EHBP1: variants seen among roughly 807,000 people sequenced by gnomAD.
The protein encoded by EHBP1 is EH domain-binding protein 1.
A neutral mutation model predicts 144.0 loss-of-function variants in EHBP1; 55 were observed. The ratio of observed to expected loss-of-function variants is 0.38; its 90% CI spans 0.31 to 0.48. The LOEUF (loss-of-function observed/expected upper bound fraction) is 0.48. Ranked by LOEUF, EHBP1 falls within the 20% of genes least tolerant of loss-of-function variation. The pLI is 0.98. For synonymous variants in EHBP1, 469 were observed against 472.7 expected, an observed-to-expected ratio of 0.99 and a Z score of 0.10; for missense variants, 1,200 against 1,364.2, an observed-to-expected ratio of 0.88 and a Z score of 1.90.
intron 6 of EHBP1, among the ~76,000 whole-genome samples, chr2:62,829,200 T>C (rs987279675): frequency 6.6e-6 from 1 of 152,132 alleles, no homozygotes; most frequent in African/African-American, 2.4e-5. Flanking sequence ...TCCTAACCAG[T>C]TAAATTTTTT....
intron 19 of EHBP1, among the ~76,000 whole-genome samples, chr2:63,027,707 G>A (rs2061041691): frequency 6.6e-6 from 1 of 151,980 alleles, no homozygotes; most frequent in African/African-American, 2.4e-5. Flanking sequence ...AAATAGGGCT[G>A]GCACAGAAAG....
chr2:63,026,486 T>C (rs1478181156), intron 19 of EHBP1, among the ~76,000 whole-genome samples: 1 of 152,210 alleles, frequency 6.6e-6, no homozygotes, highest in Non-Finnish European at 1.5e-5. Context: ...CAGAACTCTA[T>C]GAAATAGTAC....
chr2:62,875,719 A>G (rs765268493), intron 10 of EHBP1, among the ~76,000 whole-genome samples: 1 of 152,232 alleles, frequency 6.6e-6, no homozygotes, highest in Non-Finnish European at 1.5e-5. Flanking sequence ...GAAAGTTGAA[A>G]TGTAATCCAA....
intron 7 of EHBP1, among the ~76,000 whole-genome samples, chr2:62,852,484 A>C (rs569961943): frequency 6.6e-6 from 1 of 152,104 alleles, no homozygotes; most frequent in South Asian, 2.1e-4. Context: ...GGGGCAAATA[A>C]ATAATACTAA....
At chr2:62,694,610 G>A (rs184141531) in intron 1 of EHBP1, among the ~76,000 whole-genome samples, 1 of 152,096 alleles carries the variant, frequency 6.6e-6, no homozygotes, top group East Asian at 1.9e-4. Flanking sequence ...CTTGTATTAA[G>A]GGTAGACATT....
chr2:62,859,493 C>A (rs951300808), intron 8 of EHBP1, among the ~76,000 whole-genome samples: 1 of 152,132 alleles, frequency 6.6e-6, no homozygotes, highest in Admixed American at 6.5e-5. Flanking sequence ...AAAAAGAAAG[C>A]CTTACGTAAA....
chr2:62,729,539 T>A (rs1328260624), intron 2 of EHBP1, among the ~76,000 whole-genome samples: 1 of 118,742 alleles, frequency 8.4e-6, no homozygotes, highest in African/African-American at 3.3e-5. Flanking sequence ...ATATATATAA[T>A]ATATATTATA....
intron 1 of EHBP1, among the ~76,000 whole-genome samples, chr2:62,698,267 T>G (rs964478377): frequency 7.2e-5 from 11 of 152,236 alleles, no homozygotes; most frequent in African/African-American, 2.7e-4. Flanking sequence ...TTAGCATGTG[T>G]TATGTGAAGA....
rs1572946954 is a variant in EHBP1, at chr2:62,718,465, A to G, written c.104+11170A>G. 2.0e-5 allele frequency among the ~76,000 whole-genome samples: 3 copies of G among 152,250 alleles called. No homozygotes were observed. In the South Asian group the frequency reaches 6.2e-4, roughly 32 times the overall value. On this transcript the variant is annotated intron_variant, in intron 2 of 22. Coordinates refer to ENST00000431489, the MANE Select transcript of EHBP1 (RefSeq NM_001142616.3). ...TATGGAACATGTTCATCACCACAAA[A>G]AGTTTTACAGGACAGTGCTGATTTA... is the stretch of plus-strand genomic sequence containing the variant.
chr2:62,676,571 G>C (rs184137157), intron 1 of EHBP1, among the ~76,000 whole-genome samples: 19 of 152,172 alleles, frequency 1.2e-4, no homozygotes, highest in Non-Finnish European at 5.9e-5. Context: ...ATGATCCTGC[G>C]GGACTGTGTA....
At chr2:62,965,397 G>A (rs1053689747) in intron 14 of EHBP1, among the ~76,000 whole-genome samples, 1 of 152,130 alleles carries the variant, frequency 6.6e-6, no homozygotes, top group Non-Finnish European at 1.5e-5. Flanking sequence ...TATTAATGAC[G>A]TAGAGTTTTG....
chr2:62,861,658 C>G (rs917892912), intron 8 of EHBP1, among the ~76,000 whole-genome samples: 7 of 151,690 alleles, frequency 4.6e-5, no homozygotes, highest in Admixed American at 2.0e-4. Flanking sequence ...AGGAGAATCA[C>G]TTGAACTCAG....
At chr2:62,740,457 G>T (rs1260975923) in intron 2 of EHBP1, among the ~76,000 whole-genome samples, 1 of 152,156 alleles carries the variant, frequency 6.6e-6, no homozygotes, top group East Asian at 1.9e-4. Flanking sequence ...GGAGGCAGAT[G>T]TACCTACTGA....
chr2:62,890,270 G>A (rs562940763), intron 10 of EHBP1, among the ~76,000 whole-genome samples: 1 of 152,094 alleles, frequency 6.6e-6, no homozygotes, highest in South Asian at 2.1e-4. Flanking sequence ...TTCTAGTTCT[G>A]TGAAGAATGT....
At chr2:62,996,238 C>T (rs1574407004) in intron 18 of EHBP1, among the ~76,000 whole-genome samples, 1 of 152,168 alleles carries the variant, frequency 6.6e-6, no homozygotes, top group South Asian at 2.1e-4. Flanking sequence ...CTTACTAGAA[C>T]TCCATTTTTG....
At chr2:62,724,046 G>T (rs947652858) in intron 2 of EHBP1, among the ~76,000 whole-genome samples, 6 of 152,170 alleles carry the variant, frequency 3.9e-5, no homozygotes, top group Non-Finnish European at 5.9e-5. Context: ...AGTTCTCATG[G>T]ATGGTATCCT....
In EHBP1 at chr2:62,747,269, C is replaced by T. The variant is rs139787950; in HGVS notation, c.105-126C>T. The T allele has an allele frequency of 3.6e-4, 258 of 719,536 alleles. No homozygotes were observed. The African/African-American group carries it at 4.0e-3, about 11-fold the overall frequency. The allele number at this position is 719,536 out of a possible 1,614,324, so 44.6% of individuals were successfully genotyped here. A position where few individuals can be genotyped will look rare whatever the true frequency, so the allele number is the denominator to read the frequency against. On this transcript the variant is annotated intron_variant, in intron 2 of 22. Transcript: ENST00000431489. ...TTAACATCTACTATATTTGATAGAGCTTTATTGTAACAGTAGCTGCTTTAT... is the reference window on the plus strand; with the variant it reads ...TTAACATCTACTATATTTGATAGAGTTTTATTGTAACAGTAGCTGCTTTAT...
chr2:62,940,575 T>C (rs1342414960), intron 10 of EHBP1, among the ~76,000 whole-genome samples: 1 of 152,200 alleles, frequency 6.6e-6, no homozygotes, highest in African/African-American at 2.4e-5. Flanking sequence ...GTACTGAAGG[T>C]TTCAAAATGA....
intron 5 of EHBP1, among the ~76,000 whole-genome samples, chr2:62,818,432 C>T (rs2045609213): frequency 6.6e-6 from 1 of 152,006 alleles, no homozygotes; most frequent in African/African-American, 2.4e-5. Context: ...ACATGCTGTA[C>T]AGGTTTGTAG....
Sources: gnomAD v4.1 joint callset for allele counts (sites outside exome capture counted in the v4.1 genomes callset) on GRCh38, gnomAD v4.1.1 for gene constraint, MANE v1.5 for transcripts, NCBI Gene and HGNC (gene_info 2026-07-23, HGNC 2026-07-21) for gene names.